The following SLC4A4 variants were observed in gnomAD, a reference collection of about 807,000 sequenced individuals.
SLC4A4 encodes solute carrier family 4 member 4, also known as electrogenic sodium bicarbonate cotransporter 1.
A neutral mutation model predicts 111.5 loss-of-function variants in SLC4A4; 27 were observed. The ratio of observed to expected loss-of-function variants is 0.24; its 90% CI spans 0.18 to 0.33. The LOEUF (loss-of-function observed/expected upper bound fraction) is 0.33. Among genes scored for constraint, SLC4A4 ranks in the 10% least tolerant of loss-of-function variants. SLC4A4 has a pLI of 1.00. For synonymous variants in SLC4A4, 443 were observed against 463.4 expected, an observed-to-expected ratio of 0.96 and a Z score of 0.57; for missense variants, 909 against 1,315.5, an observed-to-expected ratio of 0.69 and a Z score of 4.78.
intron 16 of SLC4A4, among the ~76,000 whole-genome samples, chr4:71,524,757 C>G (rs1321381441): frequency 6.6e-6 from 1 of 151,830 alleles, no homozygotes; most frequent in East Asian, 1.9e-4. Context: ...CCATAATTGT[C>G]TGGCATAATT....
intron 7 of SLC4A4, among the ~76,000 whole-genome samples, chr4:71,430,486 T>C (rs1031718742): frequency 6.6e-6 from 1 of 152,198 alleles, no homozygotes; most frequent in African/African-American, 2.4e-5. Context: ...TTTAATTTCA[T>C]TTAACCTGCT....
intron 2 of SLC4A4, among the ~76,000 whole-genome samples, chr4:71,117,509 A>T (rs532468297): frequency 6.6e-6 from 1 of 152,210 alleles, no homozygotes; most frequent in Non-Finnish European, 1.5e-5. Flanking sequence ...GCTATTTTTT[A>T]TAGAGGTTTA....
chr4:71,419,813 G>C (rs1722235165), intron 7 of SLC4A4, among the ~76,000 whole-genome samples: 1 of 152,114 alleles, frequency 6.6e-6, no homozygotes, highest in Non-Finnish European at 1.5e-5. Context: ...CTGTAGACCG[G>C]AGCTGTTCCT....
rs565104100 is a variant in SLC4A4 at position 71,401,657 on chromosome 4, A to G, written c.807+4004A>G. Among the ~76,000 whole-genome samples the G allele has an allele frequency of 7.2e-5, 11 of 152,308 alleles. No individual in the cohort carries two copies. The East Asian group carries it at 7.7e-4, about 11-fold the overall frequency. ...ATTTAGTTACAGTTTTCATGTGAAT[A>G]TGGCTTCAGCTATGAGGATAAGAAA... On this transcript the variant is annotated intron_variant, in intron 7 of 25. Coordinates refer to ENST00000264485, the MANE Select transcript of SLC4A4 (RefSeq NM_001098484.3).
chr4:71,551,392 T>G (rs1735981908), intron 20 of SLC4A4, among the ~76,000 whole-genome samples: 1 of 151,782 alleles, frequency 6.6e-6, no homozygotes, highest in Non-Finnish European at 1.5e-5. Flanking sequence ...GAAAGCAAAA[T>G]GGTAGAGATG....
intron 1 of SLC4A4, among the ~76,000 whole-genome samples, chr4:71,208,959 A>G: frequency 6.6e-6 from 1 of 152,106 alleles, no homozygotes; most frequent in East Asian, 1.9e-4. Flanking sequence ...GCTAGCAATC[A>G]GCTGGAATAT....
At chr4:71,203,633 A>T (rs1746355150) in intron 1 of SLC4A4, among the ~76,000 whole-genome samples, 1 of 152,184 alleles carries the variant, frequency 6.6e-6, no homozygotes. Flanking sequence ...ATCTTGGGCC[A>T]TTGACCTAAG....
intron 2 of SLC4A4, among the ~76,000 whole-genome samples, chr4:71,137,956 G>A (rs1171940744): frequency 6.6e-6 from 1 of 152,096 alleles, no homozygotes; most frequent in African/African-American, 2.4e-5. Flanking sequence ...AAATGCACTG[G>A]GGGCTTCTCT....
Position 71,393,943 on chromosome 4 carries a change from G to A in SLC4A4, c.731-3634G>A, listed in dbSNP as rs571488787. On this transcript the variant is annotated intron_variant, in intron 6 of 25. Transcript: ENST00000264485. ...CACCCTTTTCAACAAATGGTGCTGA[G>A]ATAATCGGCTAGCCACAGGTAGGAG... is the stretch of plus-strand genomic sequence containing the variant. Among the ~76,000 whole-genome samples the A allele has an allele frequency of 9.2e-5, 14 of 152,210 alleles. No individual in the cohort carries two copies. In the South Asian group the frequency reaches 2.9e-3, roughly 32 times the overall value.
intron 3 of SLC4A4, among the ~76,000 whole-genome samples, chr4:71,273,600 T>C (rs928045910): frequency 6.6e-5 from 10 of 152,190 alleles, no homozygotes; most frequent in African/African-American, 2.4e-5. Context: ...ATAGTGTTTG[T>C]ATTACTGATA....
At chr4:71,092,951 TG>T (rs1299327502) in intron 2 of SLC4A4, among the ~76,000 whole-genome samples, 1 of 151,826 alleles carries the variant, frequency 6.6e-6, no homozygotes, top group Non-Finnish European at 1.5e-5. Context: ...AAAAATTAGC[TG>T]GGCGTGGTGG....
chr4:71,533,837 T>C (rs191619812), intron 17 of SLC4A4, among the ~76,000 whole-genome samples: 7 of 152,230 alleles, frequency 4.6e-5, no homozygotes, highest in Admixed American at 4.6e-4. Context: ...CTGAATTTCT[T>C]GCTATCTTTT....
At chr4:71,480,366 A>G (rs1258145392) in intron 14 of SLC4A4, among the ~76,000 whole-genome samples, 1 of 151,286 alleles carries the variant, frequency 6.6e-6, no homozygotes, top group Non-Finnish European at 1.5e-5. Flanking sequence ...AACTAAAAGG[A>G]TAATAAGAAA....
chr4:71,443,839 C>T (rs914777103), intron 8 of SLC4A4, among the ~76,000 whole-genome samples: 3 of 152,080 alleles, frequency 2.0e-5, no homozygotes, highest in Non-Finnish European at 4.4e-5. Flanking sequence ...GATTAATTGT[C>T]AAAGCCATTA....
intron 3 of SLC4A4, among the ~76,000 whole-genome samples, chr4:71,327,450 G>C (rs928421970): frequency 5.3e-5 from 8 of 151,930 alleles, no homozygotes; most frequent in Admixed American, 3.9e-4. Flanking sequence ...TAGTAGTTGT[G>C]TTATCTTGAG....
intron 3 of SLC4A4, 151 bp from the exon 4 acceptor site, chr4:71,339,219 A>G: frequency 6.2e-7 from 1 of 1,614,080 alleles, no homozygotes. Context: ...TTGGCTTTAG[A>G]TTGGGGATTT....
chr4:71,253,971 A>G (rs1721260744), intron 2 of SLC4A4, among the ~76,000 whole-genome samples: 1 of 152,162 alleles, frequency 6.6e-6, no homozygotes, highest in Non-Finnish European at 1.5e-5. Flanking sequence ...AAGCCTGCCA[A>G]TTTAAGGAAA....
At chr4:71,138,766 G>A (rs1743912854) in intron 2 of SLC4A4, among the ~76,000 whole-genome samples, 2 of 152,152 alleles carry the variant, frequency 1.3e-5, no homozygotes, top group Non-Finnish European at 2.9e-5. Context: ...GCCGGGCGCG[G>A]TGGCTCACGC....
intron 9 of SLC4A4, among the ~76,000 whole-genome samples, chr4:71,448,194 C>T (rs1214438711): frequency 6.6e-6 from 1 of 151,778 alleles, no homozygotes; most frequent in Non-Finnish European, 1.5e-5. Context: ...GTGGTGCATG[C>T]CTGTAATCCC....
Sources: gnomAD v4.1 joint callset for allele counts (sites outside exome capture counted in the v4.1 genomes callset) on GRCh38, gnomAD v4.1.1 for gene constraint, MANE v1.5 for transcripts, NCBI Gene and HGNC (gene_info 2026-07-23, HGNC 2026-07-21) for gene names.